PHACTR3: variants seen among roughly 807,000 people sequenced by gnomAD.
The protein encoded by PHACTR3 is phosphatase and actin regulator 3, also known as protein phosphatase 1, regulatory subunit 123.
In PHACTR3, 16 loss-of-function variants were observed where a neutral mutation model predicts 66.8. The observed-to-expected ratio is 0.24, with a 90% CI of 0.16 to 0.36. The LOEUF (loss-of-function observed/expected upper bound fraction) is 0.36, where lower values mean the gene tolerates loss of function less well. PHACTR3 is among the 10% of genes least tolerant of loss of function. The probability of loss-of-function intolerance (pLI) is 1.00; values close to 1 mark genes in which losing one functional copy is unlikely to be tolerated. For synonymous variants in PHACTR3, 323 were observed against 292.1 expected, an observed-to-expected ratio of 1.11 and a Z score of -1.08; for missense variants, 647 against 719.9, an observed-to-expected ratio of 0.90 and a Z score of 1.16.
chr20:59,594,237 C>T (rs185239333), intron 1 of PHACTR3, among the ~76,000 whole-genome samples: 173 of 152,040 alleles, frequency 1.1e-3, no homozygotes, highest in African/African-American at 4.0e-3. Context: ...GTGACTTGCT[C>T]ATTGCTGGTT....
At chr20:59,814,680 G>A (rs1057155526) in intron 8 of PHACTR3, among the ~76,000 whole-genome samples, 1 of 152,072 alleles carries the variant, frequency 6.6e-6, no homozygotes, top group African/African-American at 2.4e-5. Flanking sequence ...CACACACTTG[G>A]ACAGAAGGGA....
chr20:59,735,003 A>C (rs1026150107), intron 1 of PHACTR3, among the ~76,000 whole-genome samples: 35 of 152,030 alleles, frequency 2.3e-4, no homozygotes, highest in African/African-American at 7.5e-4. Flanking sequence ...CTCAGTGGTC[A>C]CTGAGTCCCC....
At chr20:59,831,302 C>A (rs1371667020) in intron 8 of PHACTR3, among the ~76,000 whole-genome samples, 1 of 152,244 alleles carries the variant, frequency 6.6e-6, no homozygotes, top group African/African-American at 2.4e-5. Flanking sequence ...GGCTCCCCAG[C>A]CCAGCCTGGT....
intron 1 of PHACTR3, among the ~76,000 whole-genome samples, chr20:59,734,727 A>T (rs759700606): frequency 5.9e-5 from 9 of 152,112 alleles, no homozygotes; most frequent in Non-Finnish European, 1.0e-4. Flanking sequence ...TCTGAGCCTT[A>T]GAGACTGGGG....
intron 4 of PHACTR3, among the ~76,000 whole-genome samples, chr20:59,759,475 A>G (rs1252241958): frequency 6.6e-6 from 1 of 152,176 alleles, no homozygotes; most frequent in Non-Finnish European, 1.5e-5. Flanking sequence ...CTGGAGCTGA[A>G]CAGAGTCTGT....
intron 8 of PHACTR3, among the ~76,000 whole-genome samples, chr20:59,814,575 C>T (rs536238740): frequency 7.9e-5 from 12 of 152,264 alleles, no homozygotes; most frequent in South Asian, 2.1e-4. Context: ...CAGCTGAGGT[C>T]GAGGGTATTC....
intron 3 of PHACTR3, among the ~76,000 whole-genome samples, chr20:59,748,616 A>G (rs16983084): frequency 0.054 from 8,239 of 152,222 alleles, 342 homozygotes; most frequent in African/African-American, 0.12. Flanking sequence ...CCCAGGACTT[A>G]GATGCTGACA....
chr20:59,614,899 C>A (rs1167272731), intron 1 of PHACTR3, among the ~76,000 whole-genome samples: 1 of 152,130 alleles, frequency 6.6e-6, no homozygotes, highest in Non-Finnish European at 1.5e-5. Context: ...CTCTGCGTTT[C>A]TTGAGTCACG....
intron 11 of PHACTR3, among the ~76,000 whole-genome samples, chr20:59,842,801 G>T (rs28632158): frequency 2.0e-5 from 3 of 152,086 alleles, no homozygotes; most frequent in African/African-American, 7.2e-5. Flanking sequence ...TGGAGTGAAC[G>T]GAGTTTGGGG....
At chr20:59,678,927 C>T (rs1056910270) in intron 1 of PHACTR3, among the ~76,000 whole-genome samples, 10 of 149,936 alleles carry the variant, frequency 6.7e-5, no homozygotes, top group South Asian at 2.1e-4. Context: ...ATTGCAGCCC[C>T]ACTGGCAGAG....
chr20:59,802,806 A>G (rs1168963414), intron 7 of PHACTR3, among the ~76,000 whole-genome samples: 1 of 152,208 alleles, frequency 6.6e-6, no homozygotes, highest in Non-Finnish European at 1.5e-5. Flanking sequence ...TAGAGCTGGT[A>G]ATATCAGGGT....
In PHACTR3 at chr20:59,755,123, G is replaced by A. The variant is rs537483647; in HGVS notation, c.359-59G>A. The stretch of plus-strand genomic sequence containing the variant: ...TACTTCTCAGAAAGACTCTTGGGAC[G>A]ACGGAAGGGATGAAGGAAGGGAGGT... On this transcript the variant is annotated intron_variant, in intron 3 of 12. Transcript: ENST00000371015. The A allele has an allele frequency of 7.3e-5, 112 of 1,542,962 alleles. No homozygotes were observed. The Admixed American group carries it at 1.8e-3, about 25-fold the overall frequency.
At chr20:59,623,169 A>G (rs1349404508) in intron 1 of PHACTR3, among the ~76,000 whole-genome samples, 1 of 151,894 alleles carries the variant, frequency 6.6e-6, no homozygotes, top group Non-Finnish European at 1.5e-5. Flanking sequence ...TAAAACTGGA[A>G]AAGTAGAACG....
At chr20:59,682,068 G>T (rs575989708) in intron 1 of PHACTR3, among the ~76,000 whole-genome samples, 1 of 151,910 alleles carries the variant, frequency 6.6e-6, no homozygotes, top group Non-Finnish European at 1.5e-5. Flanking sequence ...GGCTGGACGC[G>T]GTGGCTCATG....
In PHACTR3 at chr20:59,823,257, C is replaced by A. The variant is rs150149801; in HGVS notation, c.1329-13248C>A. ...CACTGTCCACGGGGCCATTTGTGAT[C>A]ATTCAGAAGTGGGTCTTTATAGGAG... On this transcript the variant is annotated intron_variant, in intron 8 of 12. Coordinates refer to ENST00000371015, the MANE Select transcript of PHACTR3 (RefSeq NM_080672.5). 5.7e-4 allele frequency among the ~76,000 whole-genome samples: 87 copies of A among 152,312 alleles called. No homozygotes were observed. The East Asian group carries it at 0.011, about 20-fold the overall frequency.
intron 1 of PHACTR3, among the ~76,000 whole-genome samples, chr20:59,649,482 A>G (rs1328688383): frequency 6.6e-6 from 1 of 152,150 alleles, no homozygotes; most frequent in Non-Finnish European, 1.5e-5. Flanking sequence ...TCGGGGGATA[A>G]ATTATACTAG....
At chr20:59,746,298 C>T (rs1199631677) in intron 2 of PHACTR3, among the ~76,000 whole-genome samples, 1 of 152,208 alleles carries the variant, frequency 6.6e-6, no homozygotes, top group Non-Finnish European at 1.5e-5. Context: ...AGTCCCCCGC[C>T]CCAGGCCTGA....
intron 7 of PHACTR3, among the ~76,000 whole-genome samples, chr20:59,783,488 T>C (rs1290999582): frequency 6.7e-6 from 1 of 148,414 alleles, no homozygotes; most frequent in Non-Finnish European, 1.5e-5. Context: ...AGTACCTTGA[T>C]AAGCACTTTT....
intron 10 of PHACTR3, 22 bp from the exon 11 acceptor site, chr20:59,841,373 C>T (rs2281930): frequency 0.11 from 183,574 of 1,598,718 alleles, 11,960 homozygotes; most frequent in East Asian, 0.27. Context: ...TGATACTTAA[C>T]TATGATGATC....
Sources: gnomAD v4.1 joint callset for allele counts (sites outside exome capture counted in the v4.1 genomes callset) on GRCh38, gnomAD v4.1.1 for gene constraint, MANE v1.5 for transcripts, NCBI Gene and HGNC (gene_info 2026-07-23, HGNC 2026-07-21) for gene names.